CUEDC1: variants seen among roughly 807,000 people sequenced by gnomAD.
The protein encoded by CUEDC1 is CUE domain containing 1.
In CUEDC1, 30 loss-of-function variants were observed where a neutral mutation model predicts 43.7. The observed-to-expected ratio is 0.69, with a 90% CI of 0.51 to 0.93. The LOEUF is 0.93. Ranked by LOEUF, CUEDC1 falls within the 40% of genes least tolerant of loss-of-function variation. CUEDC1 has a pLI of 0.00. For missense variants in CUEDC1, 486 were observed against 549.0 expected (o/e 0.89, Z 1.15); for synonymous variants, 223 against 223.6 (o/e 1.00, Z 0.02).
chr17:57,912,452 G>A (rs1245967040), intron 1 of CUEDC1: 1 of 152,180 alleles, frequency 6.6e-6, no homozygotes, highest in Non-Finnish European at 1.5e-5. Flanking sequence ...TCAAACATCT[G>A]GGGTTCCGGA....
chr17:57,873,806 C>T (rs116346543), intron 3 of CUEDC1, 89 bp from the exon 4 acceptor site: 41 of 1,348,862 alleles, frequency 3.0e-5, no homozygotes, highest in South Asian at 6.7e-5. Flanking sequence ...TCAGGCAGGT[C>T]GGATCCTGCT....
intron 1 of CUEDC1, among the ~76,000 whole-genome samples, chr17:57,886,534 G>A (rs140125162): frequency 2.6e-4 from 40 of 152,258 alleles, no homozygotes; most frequent in African/African-American, 9.4e-4. Flanking sequence ...GCAGAGCCTC[G>A]GGCTAATAGG....
chr17:57,908,567 C>T (rs531173023), intron 1 of CUEDC1, among the ~76,000 whole-genome samples: 2 of 152,192 alleles, frequency 1.3e-5, no homozygotes, highest in Non-Finnish European at 2.9e-5. Flanking sequence ...CTTGAGATAA[C>T]GATATTTAAA....
At chr17:57,895,728 C>A (rs1391748358) in intron 1 of CUEDC1, among the ~76,000 whole-genome samples, 2 of 152,156 alleles carry the variant, frequency 1.3e-5, no homozygotes, top group Admixed American at 6.5e-5. Context: ...TGCCACAGCT[C>A]TAGGGGACCC....
intron 10 of CUEDC1, 93 bp downstream of exon 10, chr17:57,866,381 C>T (rs1597965400): frequency 1.6e-5 from 19 of 1,199,886 alleles, no homozygotes; most frequent in East Asian, 7.1e-5. Context: ...CTGAGCCCAG[C>T]GCCTCTGGAC....
chr17:57,942,983 G>A (rs891007628), intron 1 of CUEDC1, among the ~76,000 whole-genome samples: 4 of 152,048 alleles, frequency 2.6e-5, no homozygotes, highest in Non-Finnish European at 5.9e-5. Context: ...AGCCGAGATC[G>A]CGCCACTGCA....
At chr17:57,898,721 G>A (rs1440211606) in intron 1 of CUEDC1, among the ~76,000 whole-genome samples, 1 of 152,150 alleles carries the variant, frequency 6.6e-6, no homozygotes, top group Non-Finnish European at 1.5e-5. Flanking sequence ...TGGGAATCCA[G>A]CCCTGAAGGG....
At chr17:57,871,856 G>A (rs970384436) in intron 5 of CUEDC1, among the ~76,000 whole-genome samples, 6 of 152,354 alleles carry the variant, frequency 3.9e-5, no homozygotes, top group African/African-American at 1.4e-4. Flanking sequence ...CCTGGGAGGC[G>A]GAGGTTGCAG....
intron 1 of CUEDC1, among the ~76,000 whole-genome samples, chr17:57,892,056 T>C (rs1030746471): frequency 6.6e-6 from 1 of 152,208 alleles, no homozygotes; most frequent in Non-Finnish European, 1.5e-5. Flanking sequence ...GAAGGAAAGA[T>C]GGAGGAGTGC....
At chr17:57,902,401 G>A (rs1467574567) in intron 1 of CUEDC1, among the ~76,000 whole-genome samples, 4 of 152,144 alleles carry the variant, frequency 2.6e-5, no homozygotes, top group East Asian at 1.9e-4. Flanking sequence ...TGACTGACTC[G>A]TCCTGCAAGG....
rs139483738 is a variant in CUEDC1 at position 57,888,405 on chromosome 17, C to T, written c.-315-2526G>A. Among the ~76,000 whole-genome samples the T allele has an allele frequency of 2.5e-3, 376 of 152,332 alleles. 1 individual carries two copies. The highest frequency in any genetic ancestry group is 3.9e-3 in the Non-Finnish European group (267 of 68,028). ...GAGTGAAGCATGATTTATAATCCAA[C>T]TCCCTCTACCCCATCTCTTCCCAGA... On this transcript the variant is annotated intron_variant, in intron 1 of 10. Coordinates refer to ENST00000577830, the MANE Select transcript of CUEDC1 (RefSeq NM_001271875.2).
intron 1 of CUEDC1, among the ~76,000 whole-genome samples, chr17:57,910,564 C>T (rs1843246388): frequency 6.7e-6 from 1 of 149,934 alleles, no homozygotes; most frequent in Non-Finnish European, 1.5e-5. Context: ...GTGTCTGAGA[C>T]CACCCTGGGC....
intron 1 of CUEDC1, among the ~76,000 whole-genome samples, chr17:57,909,319 C>T (rs2074560689): frequency 6.6e-6 from 1 of 152,170 alleles, no homozygotes; most frequent in African/African-American, 2.4e-5. Context: ...ATTTAAAATG[C>T]AGTTCTTTGG....
In CUEDC1 at chr17:57,885,263, T is replaced by A. The variant is rs1028665655; in HGVS notation, c.302A>T (p.Asp101Val). ...GGGSSGGVYE[D>V]SSDSEDSIPP... ...GATGCTGTCCTCCGAGTCGGAGCTG[T>A]CCTCATAGACGCCGCCGCTGCTGCC... The change falls in exon 2 of 11, where the codon GAC becomes GTC. Residue 101 changes from aspartate to valine, a missense_variant. Asp to Val is a radical substitution (Grantham distance 152). Coordinates refer to ENST00000577830, the MANE Select transcript of CUEDC1 (RefSeq NM_001271875.2). 1 of 1,602,388 alleles carries A rather than the reference T, an allele frequency of 6.2e-7. No homozygotes were observed. Among genetic ancestry groups the A allele is most frequent in the Admixed American group, 1.7e-5 (1 of 58,864 alleles).
At chr17:57,899,445 A>G (rs1275317536) in intron 1 of CUEDC1, among the ~76,000 whole-genome samples, 2 of 152,120 alleles carry the variant, frequency 1.3e-5, no homozygotes, top group East Asian at 3.9e-4. Flanking sequence ...GGCAGGAGAA[A>G]CCTCATGTTT....
chr17:57,867,400 C>G lies in CUEDC1; in HGVS notation c.1050G>C (p.Ala350=). 1.3e-6 allele frequency: 2 copies of G among 1,552,500 alleles called. No homozygotes were observed. Among genetic ancestry groups the G allele is most frequent in the Non-Finnish European group, 1.7e-6 (2 of 1,147,388 alleles). The change falls in exon 9 of 11, where the codon GCG becomes GCC. Residue 350 remains alanine (A), a synonymous_variant. Transcript: ENST00000577830. Reference sequence around the variant, plus strand: ...CATCATCCAGGAGGTTGGCTGTTGACGCGGCAGCCCCCAGCCTGCCAGGCC... The same window carrying G: ...CATCATCCAGGAGGTTGGCTGTTGAGGCGGCAGCCCCCAGCCTGCCAGGCC... ...LLKHQSLGAA[A]STANLLDDVE... is the part of the protein sequence containing the mutation.
chr17:57,943,652 G>A (rs2074935475), intron 1 of CUEDC1, among the ~76,000 whole-genome samples: 1 of 152,120 alleles, frequency 6.6e-6, no homozygotes, highest in African/African-American at 2.4e-5. Context: ...GGATAGGAGG[G>A]GAAAGAGTCA....
chr17:57,943,094 A>G (rs1206833999), intron 1 of CUEDC1, among the ~76,000 whole-genome samples: 1 of 152,208 alleles, frequency 6.6e-6, no homozygotes, highest in East Asian at 1.9e-4. Flanking sequence ...ATTTTTAACG[A>G]CATGCCTCCC....
At chr17:57,948,420 T>C (rs2074977338) in intron 1 of CUEDC1, among the ~76,000 whole-genome samples, 1 of 152,148 alleles carries the variant, frequency 6.6e-6, no homozygotes, top group Admixed American at 6.5e-5. Context: ...CAGGGTCACC[T>C]GGCCCAGAGC....
Sources: allele counts gnomAD v4.1 joint callset (sites outside exome capture counted in the v4.1 genomes callset), GRCh38; gene constraint gnomAD v4.1.1; transcripts MANE v1.5; gene names NCBI Gene and HGNC (gene_info 2026-07-23, HGNC 2026-07-21).